Variants in EPHA6 observed in about 807,000 individuals in gnomAD.
EPHA6 encodes ephrin type-A receptor 6.
A neutral mutation model predicts 112.0 loss-of-function variants in EPHA6; 50 were observed. That is an observed-to-expected ratio of 0.45 (90% CI 0.36 to 0.56). EPHA6 has a LOEUF of 0.56. Ranked by LOEUF, EPHA6 falls within the 20% of genes least tolerant of loss-of-function variation. The pLI is 0.00. For missense variants in EPHA6, 1,280 were observed against 1,417.4 expected, an observed-to-expected ratio of 0.90 and a Z score of 1.56; for synonymous variants, 529 against 490.7, an observed-to-expected ratio of 1.08 and a Z score of -1.03.
intron 5 of EPHA6, among the ~76,000 whole-genome samples, chr3:97,285,170 ATTG>A (rs1297492843): frequency 2.6e-5 from 4 of 152,130 alleles, no homozygotes; most frequent in Non-Finnish European, 4.4e-5. Context: ...ATGATTAAAT[ATTG>A]TTATTTTGTT....
chr3:97,585,155 G>A (rs1362420586), intron 11 of EPHA6, among the ~76,000 whole-genome samples: 1 of 152,112 alleles, frequency 6.6e-6, no homozygotes, highest in Non-Finnish European at 1.5e-5. Flanking sequence ...GTAGCGAATG[G>A]AATAAAAATT....
At chr3:97,668,166 T>G (rs2030355657) in intron 14 of EPHA6, among the ~76,000 whole-genome samples, 1 of 152,216 alleles carries the variant, frequency 6.6e-6, no homozygotes, top group African/African-American at 2.4e-5. Context: ...CCAACTGCCC[T>G]CATAATCTTG....
chr3:96,960,219 C>G (rs9869131), intron 2 of EPHA6, among the ~76,000 whole-genome samples: 36,387 of 151,952 alleles, frequency 0.24, 7,932 homozygotes, highest in African/African-American at 0.56. Context: ...TCTGAGATCT[C>G]ATGCAGAGTG....
chr3:97,647,478 G>A, intron 14 of EPHA6, among the ~76,000 whole-genome samples: 1 of 151,990 alleles, frequency 6.6e-6, no homozygotes, highest in East Asian at 1.9e-4. Flanking sequence ...GTGTATTGTG[G>A]GCCAAGATAG....
intron 2 of EPHA6, among the ~76,000 whole-genome samples, chr3:96,942,244 T>C (rs962548504): frequency 3.3e-5 from 5 of 152,188 alleles, no homozygotes; most frequent in African/African-American, 1.2e-4. Context: ...AGGCCTCCTT[T>C]AGCTGTGGTG....
chr3:97,533,788 G>A (rs1392195294), intron 11 of EPHA6, among the ~76,000 whole-genome samples: 1 of 152,070 alleles, frequency 6.6e-6, no homozygotes, highest in Non-Finnish European at 1.5e-5. Flanking sequence ...CTCCAAAGAA[G>A]AGAACTGAGG....
At chr3:96,894,369 A>G (rs1480434834) in intron 2 of EPHA6, among the ~76,000 whole-genome samples, 1 of 152,128 alleles carries the variant, frequency 6.6e-6, no homozygotes, top group East Asian at 1.9e-4. Flanking sequence ...TCCTCCTTTT[A>G]TTGGTGATCT....
intron 5 of EPHA6, among the ~76,000 whole-genome samples, chr3:97,374,499 A>G (rs1405630677): frequency 2.6e-5 from 4 of 151,886 alleles, no homozygotes; most frequent in African/African-American, 7.3e-5. Flanking sequence ...TTTAGTTTTC[A>G]TTTTAGATTC....
intron 9 of EPHA6, among the ~76,000 whole-genome samples, chr3:97,482,181 G>A (rs980479793): frequency 1.3e-5 from 2 of 152,150 alleles, no homozygotes; most frequent in Admixed American, 6.5e-5. Flanking sequence ...ATAGAAATGT[G>A]TACCACCTTA....
chr3:96,814,678 T>G lies in EPHA6; in HGVS notation c.55T>G (p.Ser19Ala). The G allele has an allele frequency of 6.7e-7, 1 of 1,486,262 alleles. No homozygotes were observed. The highest frequency in any genetic ancestry group is 8.9e-7 in the Non-Finnish European group (1 of 1,117,424). The allele number at this position is 1,486,262 out of a possible 1,614,324, so 92.1% of individuals were successfully genotyped here. Residue 19 changes from serine to alanine, a missense_variant, in exon 1 of 18, where the codon TCC (serine) becomes GCC (alanine). Physicochemically the swap from Ser to Ala is moderately conservative, Grantham distance 99. Coordinates refer to ENST00000389672, the MANE Select transcript of EPHA6 (RefSeq NM_001080448.3). Reference protein sequence around the residue: ...ARSSPAPQAASSSEAAAPATG... With the variant: ...ARSSPAPQAAASSEAAAPATG... ...GAGCTCCCCGGCGCCGCAGGCAGCGTCCTCCTCCGAAGCAGCTGCACCTGC... is the reference window on the plus strand; with the variant it reads ...GAGCTCCCCGGCGCCGCAGGCAGCGGCCTCCTCCGAAGCAGCTGCACCTGC...
chr3:97,311,733 G>C (rs7637922), intron 5 of EPHA6, among the ~76,000 whole-genome samples: 2,466 of 142,950 alleles, frequency 0.017, 59 homozygotes, highest in African/African-American at 0.064. Flanking sequence ...CTACAATCTT[G>C]GTTCTTCTTT....
intron 4 of EPHA6, among the ~76,000 whole-genome samples, chr3:97,228,617 T>C (rs1000342556): frequency 6.6e-6 from 1 of 151,988 alleles, no homozygotes; most frequent in African/African-American, 2.4e-5. Context: ...TATCCACTTA[T>C]TAGCTGATGG....
intron 5 of EPHA6, among the ~76,000 whole-genome samples, chr3:97,320,868 A>G (rs879889727): frequency 6.7e-4 from 101 of 151,220 alleles, no homozygotes; most frequent in Non-Finnish European, 1.2e-3. Flanking sequence ...CATCCTAATT[A>G]CATCCTTGTC....
intron 3 of EPHA6, among the ~76,000 whole-genome samples, chr3:97,062,369 C>T (rs1012571245): frequency 1.3e-5 from 2 of 152,070 alleles, no homozygotes; most frequent in Non-Finnish European, 2.9e-5. Flanking sequence ...GGCAGAGCCA[C>T]CACCCCTAAG....
chr3:97,250,186 G>A (rs1312726030), intron 5 of EPHA6, among the ~76,000 whole-genome samples: 1 of 152,108 alleles, frequency 6.6e-6, no homozygotes, highest in Non-Finnish European at 1.5e-5. Flanking sequence ...AAGTATTAAT[G>A]GCATATTTAT....
chr3:97,473,631 T>C lies in EPHA6; in HGVS notation c.1895-1721T>C, dbSNP rs534411570. Among the ~76,000 whole-genome samples, 12 of 151,984 alleles carry C rather than the reference T, an allele frequency of 7.9e-5. No individual in the cohort carries two copies. In the South Asian group the frequency reaches 2.5e-3, roughly 31 times the overall value. On this transcript the variant is annotated intron_variant, in intron 7 of 17. Coordinates refer to ENST00000389672, the MANE Select transcript of EPHA6 (RefSeq NM_001080448.3). ...AAGTAAATAATGTTTTTTGGGTAAA[T>C]GCCATCTGCTTTATCTTCAAAAAGA... is the stretch of plus-strand genomic sequence containing the variant.
chr3:96,868,530 A>G (rs2107462246), intron 2 of EPHA6, among the ~76,000 whole-genome samples: 1 of 152,058 alleles, frequency 6.6e-6, no homozygotes, highest in East Asian at 1.9e-4. Context: ...AATTGTAATT[A>G]TATCCAGTTG....
chr3:97,671,492 G>A (rs1560252054), intron 14 of EPHA6, among the ~76,000 whole-genome samples: 2 of 152,214 alleles, frequency 1.3e-5, no homozygotes, highest in Admixed American at 6.5e-5. Flanking sequence ...TTGCAGAGTA[G>A]CATATGAGAG....
At chr3:96,978,941 A>G (rs2042639991) in intron 2 of EPHA6, among the ~76,000 whole-genome samples, 2 of 152,136 alleles carry the variant, frequency 1.3e-5, no homozygotes, top group Admixed American at 6.6e-5. Flanking sequence ...ACACTTCTTC[A>G]TATTTGAGTT....
Sources: gnomAD v4.1 joint callset for allele counts (sites outside exome capture counted in the v4.1 genomes callset) on GRCh38, gnomAD v4.1.1 for gene constraint, MANE v1.5 for transcripts, NCBI Gene and HGNC (gene_info 2026-07-23, HGNC 2026-07-21) for gene names.